Variants in ULK4 observed in about 807,000 individuals in gnomAD.
ULK4 encodes the protein unc-51 like kinase 4.
ULK4 carries 133 observed loss-of-function variants against 160.6 expected under a neutral mutation model. The ratio of observed to expected loss-of-function variants is 0.83; its 90% CI spans 0.72 to 0.96. The LOEUF is 0.96. Ranked by LOEUF, ULK4 falls within the 40% of genes least tolerant of loss-of-function variation. The pLI, the probability that ULK4 is intolerant of heterozygous loss-of-function variation, is 0.00. For synonymous variants in ULK4, 534 were observed against 539.8 expected (o/e 0.99, Z 0.15); for missense variants, 1,580 against 1,499.5 (o/e 1.05, Z -0.89).
chr3:41,775,155 G>A (rs2039559287), intron 21 of ULK4, among the ~76,000 whole-genome samples: 1 of 149,670 alleles, frequency 6.7e-6, no homozygotes, highest in South Asian at 2.1e-4. Context: ...ACACCAACAT[G>A]GCACATGTAT....
At chr3:41,348,130 ACCTGGGAGGTGGAGGTTGCAGTGAG>A (rs768127960) in intron 35 of ULK4, among the ~76,000 whole-genome samples, 3 of 148,102 alleles carry the variant, frequency 2.0e-5, no homozygotes, top group Non-Finnish European at 4.4e-5. Context: ...AATCGCTTGA[ACCTGGGAGGTGGAGGTTGCAGTGAG>A]CTGAGATTAC....
intron 30 of ULK4, among the ~76,000 whole-genome samples, chr3:41,641,627 G>A (rs2034198786): frequency 6.6e-6 from 1 of 152,124 alleles, no homozygotes; most frequent in Non-Finnish European, 1.5e-5. Context: ...CTAAAGCCTG[G>A]AAGACCCAGG....
chr3:41,596,447 G>A (rs1175758932), intron 31 of ULK4, among the ~76,000 whole-genome samples: 1 of 152,126 alleles, frequency 6.6e-6, no homozygotes, highest in Non-Finnish European at 1.5e-5. Flanking sequence ...AAGGGAATTC[G>A]GGTGTTTTCA....
chr3:41,523,859 A>G (rs1306107385), intron 32 of ULK4, among the ~76,000 whole-genome samples: 2 of 152,258 alleles, frequency 1.3e-5, no homozygotes, highest in Admixed American at 1.3e-4. Flanking sequence ...CACAACAGCC[A>G]GAAGTGGAAA....
intron 27 of ULK4, among the ~76,000 whole-genome samples, chr3:41,696,799 A>G (rs548973901): frequency 1.2e-4 from 19 of 152,302 alleles, no homozygotes; most frequent in African/African-American, 2.4e-4. Context: ...CAATATAATA[A>G]TAAGGATCCT....
intron 30 of ULK4, among the ~76,000 whole-genome samples, chr3:41,629,081 T>A (rs1283909324): frequency 3.9e-5 from 6 of 152,228 alleles, no homozygotes; most frequent in African/African-American, 1.4e-4. Context: ...AGTTACCTTT[T>A]GCTGCATAAC....
intron 2 of ULK4, among the ~76,000 whole-genome samples, chr3:41,952,462 A>G (rs1700323370): frequency 6.6e-6 from 1 of 152,202 alleles, no homozygotes; most frequent in Non-Finnish European, 1.5e-5. Flanking sequence ...AGCATATGAA[A>G]AGATGCTGCT....
At chr3:41,297,787 G>C (rs764236237) in intron 35 of ULK4, among the ~76,000 whole-genome samples, 1 of 152,204 alleles carries the variant, frequency 6.6e-6, no homozygotes, top group African/African-American at 2.4e-5. Context: ...GAAACACTGT[G>C]TCTCCATAAG....
At chr3:41,922,631 G>A (rs1003236675) in intron 5 of ULK4, among the ~76,000 whole-genome samples, 3 of 151,382 alleles carry the variant, frequency 2.0e-5, no homozygotes, top group African/African-American at 7.3e-5. Context: ...GTGGCAAGGT[G>A]GGGGGTGAGG....
chr3:41,817,826 A>G lies in ULK4; in HGVS notation c.1848+1597T>C, dbSNP rs2041021031. On this transcript the variant is annotated intron_variant, in intron 19 of 36. Transcript: ENST00000301831. ...ATAAGGACTTCAACTCAAGAGCAAA[A>G]AAACCAAATAACCCAATTTGAAAAT... Among the ~76,000 whole-genome samples, 4 of 152,308 alleles carry G rather than the reference A, an allele frequency of 2.6e-5. No homozygotes were observed. The South Asian group carries it at 8.3e-4, about 32-fold the overall frequency.
At chr3:41,720,513 T>C (rs920988349) in intron 22 of ULK4, among the ~76,000 whole-genome samples, 2 of 151,928 alleles carry the variant, frequency 1.3e-5, no homozygotes, top group Admixed American at 6.6e-5. Context: ...AATGTTAGTA[T>C]TATATATGTA....
chr3:41,758,522 T>C (rs2038879185), intron 21 of ULK4, among the ~76,000 whole-genome samples: 1 of 152,104 alleles, frequency 6.6e-6, no homozygotes, highest in African/African-American at 2.4e-5. Context: ...ATCCAGAATA[T>C]ATTAAAAGAA....
At chr3:41,276,137 C>G (rs553092299) in intron 35 of ULK4, among the ~76,000 whole-genome samples, 1 of 152,344 alleles carries the variant, frequency 6.6e-6, no homozygotes, top group South Asian at 2.1e-4. Context: ...CATGCAATGG[C>G]TCACCTCAAA....
intron 5 of ULK4, among the ~76,000 whole-genome samples, chr3:41,922,976 A>C (rs1699245758): frequency 6.6e-6 from 1 of 152,024 alleles, no homozygotes; most frequent in Admixed American, 6.6e-5. Flanking sequence ...GTTCGAGACT[A>C]GCCTGGCCAA....
intron 5 of ULK4, among the ~76,000 whole-genome samples, chr3:41,921,435 C>T (rs554711349): frequency 6.6e-6 from 1 of 152,026 alleles, no homozygotes; most frequent in East Asian, 1.9e-4. Context: ...CATGGTAAAA[C>T]CCCGTCTCTC....
At chr3:41,382,238 G>A (rs935232805) in intron 35 of ULK4, among the ~76,000 whole-genome samples, 1 of 152,102 alleles carries the variant, frequency 6.6e-6, no homozygotes, top group Non-Finnish European at 1.5e-5. Context: ...ATTAGAGCAG[G>A]GTTTTCTGTC....
chr3:41,941,156 C>T (rs1177919217), intron 2 of ULK4, among the ~76,000 whole-genome samples: 1 of 151,510 alleles, frequency 6.6e-6, no homozygotes, highest in Non-Finnish European at 1.5e-5. Context: ...CCTCTCTCAG[C>T]CTCCAGAGTA....
rs1227678449 is a variant in ULK4 at position 41,913,075 on chromosome 3, T to TA, written c.804-177dup. ...TATTAACCTCTTTTAGACAGCAAGA[T>TA]AAAAAGAAACAATTCAGAAGCATTA... On this transcript the variant is annotated intron_variant, in intron 8 of 36. Transcript: ENST00000301831. 24 of 566,852 alleles carry TA rather than the reference T, an allele frequency of 4.2e-5. No homozygotes were observed. In the Admixed American group the frequency reaches 6.3e-4, roughly 15 times the overall value. 35.1% of individuals were successfully genotyped at this position (566,852 alleles called of 1,614,324 possible).
chr3:41,307,439 T>G (rs1198963771), intron 35 of ULK4, among the ~76,000 whole-genome samples: 1 of 152,218 alleles, frequency 6.6e-6, no homozygotes, highest in African/African-American at 2.4e-5. Context: ...GTAAGAGACT[T>G]CCATTCCAAT....
Sources: gnomAD v4.1 joint callset for allele counts (sites outside exome capture counted in the v4.1 genomes callset) on GRCh38, gnomAD v4.1.1 for gene constraint, MANE v1.5 for transcripts, NCBI Gene and HGNC (gene_info 2026-07-23, HGNC 2026-07-21) for gene names.